The following C13orf42 variants were observed in gnomAD, a reference collection of about 807,000 sequenced individuals.
The protein encoded by C13orf42 is chromosome 13 open reading frame 42.
In C13orf42 at chr13:51,088,061, CTTTGGGG is replaced by C. The variant is rs1953148210; in HGVS notation, c.422_428del (p.Thr141ArgfsTer79). 2.5e-6 allele frequency: 1 copy of C among 398,666 alleles called. No homozygotes were observed. Among genetic ancestry groups the C allele is most frequent in the South Asian group, 1.3e-4 (1 of 7,860 alleles). The allele number at this position is 398,666 out of a possible 1,614,324, so 24.7% of individuals were successfully genotyped here. On this transcript the variant is annotated frameshift_variant, in exon 2 of 4. Transcript: ENST00000563710. LOFTEE classifies it high-confidence loss of function. Reference sequence around the variant, plus strand: ...CATCAGCACTGAACTGCGAGTATTTCTTTGGGGTTGCTTTCTGCAAGAGGTGAAGGGG... The same window carrying C: ...CATCAGCACTGAACTGCGAGTATTTCTTGCTTTCTGCAAGAGGTGAAGGGG...
intron 1 of C13orf42, among the ~76,000 whole-genome samples, chr13:51,089,214 G>GTA (rs1472849482): frequency 1.3e-5 from 2 of 152,178 alleles, no homozygotes; most frequent in African/African-American, 4.8e-5. Flanking sequence ...TTTATTAAGT[G>GTA]TATGCATTTT....
intron 1 of C13orf42, among the ~76,000 whole-genome samples, chr13:51,120,980 C>T (rs1415106620): frequency 1.3e-5 from 2 of 152,216 alleles, no homozygotes; most frequent in Non-Finnish European, 2.9e-5. Flanking sequence ...CGCCACTGCA[C>T]TCCAGTCTGG....
intron 1 of C13orf42, among the ~76,000 whole-genome samples, chr13:51,093,689 C>T (rs184863780): frequency 5.9e-5 from 9 of 152,106 alleles, no homozygotes; most frequent in African/African-American, 1.9e-4. Context: ...TGGCTTGATC[C>T]ATCTACTAGA....
intron 1 of C13orf42, among the ~76,000 whole-genome samples, chr13:51,100,928 G>A (rs1953283785): frequency 6.6e-6 from 1 of 152,064 alleles, no homozygotes; most frequent in Non-Finnish European, 1.5e-5. Context: ...TTAAGCTTTT[G>A]TTTTCAAAAA....
upstream of C13orf42, among the ~76,000 whole-genome samples, chr13:51,116,194 G>T (rs1338695942): frequency 6.6e-6 from 1 of 152,172 alleles, no homozygotes; most frequent in Admixed American, 6.5e-5. Flanking sequence ...TAGAAGGCGT[G>T]GCCCTAATTT....
intron 1 of C13orf42, among the ~76,000 whole-genome samples, chr13:51,098,175 C>T (rs1247078753): frequency 6.6e-6 from 1 of 152,008 alleles, no homozygotes; most frequent in African/African-American, 2.4e-5. Context: ...TGCCATCCTG[C>T]TTGGCTTCAC....
chr13:51,107,110 C>T (rs1953366100), intron 1 of C13orf42, among the ~76,000 whole-genome samples: 1 of 152,230 alleles, frequency 6.6e-6, no homozygotes, highest in Non-Finnish European at 1.5e-5. Context: ...TGACTTCCTC[C>T]TCCCATCGAC....
At chr13:51,136,596 G>A (rs1412108876) in intron 1 of C13orf42, among the ~76,000 whole-genome samples, 1 of 152,174 alleles carries the variant, frequency 6.6e-6, no homozygotes, top group Non-Finnish European at 1.5e-5. Flanking sequence ...GAGCTCACCG[G>A]GGTGTGGGAC....
chr13:51,136,918 GCTGTCCAGTTTCTGCTGTCC>G (rs1432555202), intron 1 of C13orf42, among the ~76,000 whole-genome samples: 5 of 152,198 alleles, frequency 3.3e-5, no homozygotes, highest in Non-Finnish European at 7.3e-5. Context: ...CATAAAACTT[GCTGTCCAGTTTCTGCTGTCC>G]CTGCTTCTCC....
At chr13:51,137,472 A>C (rs1273106008) in intron 1 of C13orf42, among the ~76,000 whole-genome samples, 1 of 152,094 alleles carries the variant, frequency 6.6e-6, no homozygotes, top group Non-Finnish European at 1.5e-5. Flanking sequence ...CCCTCCCTGA[A>C]GGGGCTGTTG....
chr13:51,170,398 T>C (rs1369591641), intron 1 of C13orf42, among the ~76,000 whole-genome samples: 2 of 152,130 alleles, frequency 1.3e-5, no homozygotes, highest in African/African-American at 4.8e-5. Context: ...GTGAGAAACA[T>C]CCACCTACGA....
intron 1 of C13orf42, among the ~76,000 whole-genome samples, chr13:51,106,912 G>T (rs144701816): frequency 6.6e-6 from 1 of 152,192 alleles, no homozygotes; most frequent in East Asian, 1.9e-4. Context: ...AAACCCTCAC[G>T]TACGGATTTT....
At chr13:51,141,583 AGGTCAGGAGTTCGAGACCAGCCTGGC>A (rs1953696590) in intron 1 of C13orf42, among the ~76,000 whole-genome samples, 1 of 152,138 alleles carries the variant, frequency 6.6e-6, no homozygotes, top group Non-Finnish European at 1.5e-5. Flanking sequence ...GCGGGTCATG[AGGTCAGGAGTTCGAGACCAGCCTGGC>A]CAACATGGTG....
intron 1 of C13orf42, among the ~76,000 whole-genome samples, chr13:51,165,178 G>C (rs1397536006): frequency 6.6e-6 from 1 of 152,152 alleles, no homozygotes; most frequent in Non-Finnish European, 1.5e-5. Flanking sequence ...AGAGATCAAA[G>C]ACCCAGACCC....
intron 1 of C13orf42, among the ~76,000 whole-genome samples, chr13:51,156,082 C>G (rs1953822276): frequency 6.6e-6 from 1 of 152,138 alleles, no homozygotes; most frequent in African/African-American, 2.4e-5. Context: ...TCTGGAGTGA[C>G]AGGGGACCTT....
upstream of C13orf42, among the ~76,000 whole-genome samples, chr13:51,114,479 C>T (rs373100270): frequency 1.2e-4 from 18 of 152,252 alleles, no homozygotes; most frequent in East Asian, 1.9e-3. Context: ...TAAGATTCCA[C>T]ATATAGTGAG....
At chr13:51,121,590 C>T (rs1477281593) in intron 1 of C13orf42, among the ~76,000 whole-genome samples, 4 of 144,758 alleles carry the variant, frequency 2.8e-5, no homozygotes, top group Admixed American at 7.0e-5. Flanking sequence ...GGCTGGAGTG[C>T]AGTGGCGTGG....
chr13:51,165,882 C>T (rs972333625), intron 1 of C13orf42, among the ~76,000 whole-genome samples: 8 of 152,170 alleles, frequency 5.3e-5, no homozygotes, highest in African/African-American at 1.7e-4. Flanking sequence ...TTTTAATCGG[C>T]ATAGCACTAT....
At chr13:51,171,754 C>T (rs867783306) in intron 1 of C13orf42, among the ~76,000 whole-genome samples, 2,221 of 151,844 alleles carry the variant, frequency 0.015, 62 homozygotes, top group African/African-American at 0.051. Flanking sequence ...TTTTTCTTTA[C>T]CCCAAATCAG....
Sources: allele counts gnomAD v4.1 joint callset (sites outside exome capture counted in the v4.1 genomes callset), GRCh38; gene constraint gnomAD v4.1.1; transcripts MANE v1.5; gene names NCBI Gene and HGNC (gene_info 2026-07-23, HGNC 2026-07-21).